The following TESPA1 variants were observed in gnomAD, a reference collection of about 807,000 sequenced individuals.
The protein encoded by TESPA1 is protein TESPA1.
TESPA1 carries 33 observed loss-of-function variants against 57.9 expected under a neutral mutation model. The ratio of observed to expected loss-of-function variants is 0.57; its 90% CI spans 0.43 to 0.76. The LOEUF is 0.76. Among genes scored for constraint, TESPA1 ranks in the 30% least tolerant of loss-of-function variants. The pLI is 0.00. For synonymous variants in TESPA1, 227 were observed against 228.9 expected (o/e 0.99, Z 0.07); for missense variants, 618 against 632.9 (o/e 0.98, Z 0.25).
At chr12:54,971,639 C>A (rs1051117694) in intron 3 of TESPA1, among the ~76,000 whole-genome samples, 1 of 152,030 alleles carries the variant, frequency 6.6e-6, no homozygotes, top group Non-Finnish European at 1.5e-5. Flanking sequence ...GTAACAGATA[C>A]CCTTGCACCA....
intron 2 of TESPA1, chr12:54,974,026 A>G: frequency 1.9e-6 from 1 of 522,384 alleles, no homozygotes; most frequent in Non-Finnish European, 2.5e-6. Flanking sequence ...CCCAAAGGCC[A>G]CACAGCTTGT....
chr12:54,973,646 G>T (rs1466618516), intron 2 of TESPA1, 127 bp from the exon 3 acceptor site: 4 of 1,533,066 alleles, frequency 2.6e-6, no homozygotes, highest in East Asian at 2.3e-5. Flanking sequence ...TCTACATAAA[G>T]CTTTTCTTTA....
At chr12:54,952,413 T>A (rs922319598) in intron 10 of TESPA1, among the ~76,000 whole-genome samples, 1 of 152,270 alleles carries the variant, frequency 6.6e-6, no homozygotes, top group East Asian at 1.9e-4. Context: ...TATGAACTCA[T>A]CAGCTTTTTC....
At chr12:54,962,073 G>A (rs193093935) in intron 9 of TESPA1, among the ~76,000 whole-genome samples, 1 of 152,308 alleles carries the variant, frequency 6.6e-6, no homozygotes, top group Admixed American at 6.5e-5. Flanking sequence ...TATTTGTCAA[G>A]GTAAGGGAGA....
At chr12:54,979,751 C>T (rs999635203) in intron 1 of TESPA1, among the ~76,000 whole-genome samples, 38 of 152,262 alleles carry the variant, frequency 2.5e-4, no homozygotes, top group African/African-American at 8.2e-4. Flanking sequence ...ACTGTAGCAG[C>T]GGCAGAAAAC....
At chr12:54,952,652 T>C (rs1950471396) in intron 10 of TESPA1, among the ~76,000 whole-genome samples, 1 of 152,236 alleles carries the variant, frequency 6.6e-6, no homozygotes, top group Admixed American at 6.5e-5. Flanking sequence ...ATCTGTTAAA[T>C]TCTCTCTCTG....
intron 3 of TESPA1, among the ~76,000 whole-genome samples, chr12:54,971,442 C>A (rs1951824759): frequency 1.3e-5 from 2 of 152,312 alleles, no homozygotes; most frequent in Non-Finnish European, 1.5e-5. Flanking sequence ...GTTTTTCTAG[C>A]TTTTCCATGC....
chr12:54,973,824 G>T, intron 2 of TESPA1: 1 of 1,122,230 alleles, frequency 8.9e-7, no homozygotes, highest in East Asian at 5.2e-5. Flanking sequence ...CATTTAAAAA[G>T]AAAAAGAAAA....
chr12:54,962,756 G>A lies in TESPA1; in HGVS notation c.1142C>T (p.Thr381Ile). Residue 381 changes from threonine to isoleucine, a missense_variant, in exon 9 of 11, where the codon ACT becomes ATT. Transcript: ENST00000449076. The stretch of plus-strand genomic sequence containing the variant: ...GGGTACCTTGGGGTTCGAATCCAGA[G>A]TTTGGGATGGTGCTAGCACTGTGGA... ...RMSTVLAPSQ[T>I]LDSNPKVPCC... The A allele has an allele frequency of 6.2e-7, 1 of 1,613,934 alleles. No homozygotes were observed. The highest frequency in any genetic ancestry group is 8.5e-7 in the Non-Finnish European group (1 of 1,179,900).
intron 1 of TESPA1, among the ~76,000 whole-genome samples, chr12:54,981,179 T>C (rs956531655): frequency 2.6e-5 from 4 of 152,270 alleles, no homozygotes; most frequent in Admixed American, 1.3e-4. Context: ...CCCTGATGTA[T>C]AAAGGTGGTG....
intron 10 of TESPA1, among the ~76,000 whole-genome samples, chr12:54,955,219 G>T (rs35238655): frequency 0.21 from 31,173 of 152,014 alleles, 5,426 homozygotes; most frequent in East Asian, 0.84. Flanking sequence ...TTGTGCACTT[G>T]TATGTCTTCT....
chr12:54,967,996 T>C (rs766014517), intron 3 of TESPA1, 104 bp from the exon 4 acceptor site: 2 of 1,567,198 alleles, frequency 1.3e-6, no homozygotes, highest in South Asian at 2.3e-5. Context: ...CCAGTGAGAG[T>C]CAGTAGTATT....
At chr12:54,952,911 A>G (rs953530090) in intron 10 of TESPA1, among the ~76,000 whole-genome samples, 2 of 152,054 alleles carry the variant, frequency 1.3e-5, no homozygotes, top group Admixed American at 6.5e-5. Flanking sequence ...TGTATGCCCT[A>G]TCTTTCTTTC....
chr12:54,953,846 A>G (rs910886991), intron 10 of TESPA1, among the ~76,000 whole-genome samples: 2 of 152,078 alleles, frequency 1.3e-5, no homozygotes, highest in African/African-American at 4.8e-5. Context: ...TTGCCAACAC[A>G]CATCGTTAAA....
intron 7 of TESPA1, among the ~76,000 whole-genome samples, chr12:54,965,003 T>C (rs1381273386): frequency 2.0e-5 from 3 of 152,226 alleles, no homozygotes; most frequent in African/African-American, 7.2e-5. Context: ...AATTTAAGTC[T>C]CAGAACCAGG....
intron 1 of TESPA1, among the ~76,000 whole-genome samples, chr12:54,979,328 G>A (rs1488039): frequency 0.34 from 52,300 of 151,998 alleles, 11,428 homozygotes; most frequent in East Asian, 0.89. Context: ...ATCATATTTA[G>A]TCTTCTCTAT....
Position 54,974,085 on chromosome 12 carries a change from C to A in TESPA1, c.163+315G>T, listed in dbSNP as rs552874759. 1.5e-4 allele frequency among the ~76,000 whole-genome samples: 23 copies of A among 152,294 alleles called. No homozygotes were observed. In the South Asian group the frequency reaches 4.8e-3, roughly 32 times the overall value. On this transcript the variant is annotated intron_variant, in intron 2 of 10. Transcript: ENST00000449076. The stretch of plus-strand genomic sequence containing the variant: ...TCCAGGCATCCAGCTTGGGTGTGGT[C>A]TTGTTACACAGACAAAATAGAAACA...
chr12:54,956,669 AG>A (rs1401298455), intron 10 of TESPA1, among the ~76,000 whole-genome samples: 1 of 152,202 alleles, frequency 6.6e-6, no homozygotes, highest in Non-Finnish European at 1.5e-5. Flanking sequence ...TTAATAGAAA[AG>A]GTGCCTGTTT....
At chr12:54,957,339 T>C (rs1322003311) in intron 10 of TESPA1, among the ~76,000 whole-genome samples, 1 of 152,158 alleles carries the variant, frequency 6.6e-6, no homozygotes. Context: ...GACATTATAA[T>C]GGAAGATCAC....
Sources: allele counts gnomAD v4.1 joint callset (sites outside exome capture counted in the v4.1 genomes callset), GRCh38; gene constraint gnomAD v4.1.1; transcripts MANE v1.5; gene names NCBI Gene and HGNC (gene_info 2026-07-23, HGNC 2026-07-21).